PDE4D: variants seen among roughly 807,000 people sequenced by gnomAD.
The protein encoded by PDE4D is phosphodiesterase 4D.
In PDE4D, 24 loss-of-function variants were observed where a neutral mutation model predicts 87.4. That is an observed-to-expected ratio of 0.27 (90% CI 0.20 to 0.39). PDE4D has a LOEUF of 0.39. PDE4D is among the 10% of genes least tolerant of loss of function. The probability of loss-of-function intolerance (pLI) is 1.00; values close to 1 mark genes in which losing one functional copy is unlikely to be tolerated. For synonymous variants in PDE4D, 384 were observed against 383.2 expected (o/e 1.00, Z -0.02); for missense variants, 714 against 1,041.0 (o/e 0.69, Z 4.32).
intron 2 of PDE4D, among the ~76,000 whole-genome samples, chr5:60,184,122 G>A (rs1487963995): frequency 1.3e-5 from 2 of 152,130 alleles, no homozygotes; most frequent in East Asian, 3.9e-4. Flanking sequence ...GCATCATTAA[G>A]TAGTCTCAGT....
At chr5:59,898,774 A>G (rs1751933836) in intron 3 of PDE4D, among the ~76,000 whole-genome samples, 1 of 152,228 alleles carries the variant, frequency 6.6e-6, no homozygotes, top group East Asian at 1.9e-4. Context: ...CTTCTTATTC[A>G]GTGTCCCCTA....
intron 5 of PDE4D, among the ~76,000 whole-genome samples, chr5:59,146,904 A>C (rs926487012): frequency 2.0e-5 from 3 of 152,122 alleles, no homozygotes; most frequent in African/African-American, 7.2e-5. Flanking sequence ...CAAGCCACAG[A>C]CTGCTTCCGG....
At chr5:59,343,941 C>T (rs961599132) in intron 1 of PDE4D, among the ~76,000 whole-genome samples, 21 of 151,938 alleles carry the variant, frequency 1.4e-4, no homozygotes, top group African/African-American at 5.1e-4. Flanking sequence ...ATTATGATTA[C>T]CATTTGAATG....
chr5:58,986,609 C>T (rs1022134695), intron 11 of PDE4D, among the ~76,000 whole-genome samples: 10 of 152,278 alleles, frequency 6.6e-5, no homozygotes, highest in African/African-American at 1.9e-4. Flanking sequence ...CTAGGTTGTG[C>T]GTTCCTTATG....
At chr5:60,315,233 C>A (rs569261883) in intron 1 of PDE4D, among the ~76,000 whole-genome samples, 1 of 152,264 alleles carries the variant, frequency 6.6e-6, no homozygotes, top group African/African-American at 2.4e-5. Flanking sequence ...TCTCTGATGG[C>A]TAGTGATGAT....
At chr5:59,065,882 G>A (rs1763853420) in intron 5 of PDE4D, among the ~76,000 whole-genome samples, 3 of 151,998 alleles carry the variant, frequency 2.0e-5, no homozygotes, top group Non-Finnish European at 4.4e-5. Context: ...TTTGTTCCTT[G>A]GTAACTAGAC....
At chr5:58,995,270 G>A (rs911251577) in intron 6 of PDE4D, among the ~76,000 whole-genome samples, 12 of 152,210 alleles carry the variant, frequency 7.9e-5, no homozygotes, top group Middle Eastern at 3.4e-3. Flanking sequence ...ACTGCTGGAA[G>A]ATAACCACAG....
chr5:60,166,816 G>A (rs1782949903), intron 2 of PDE4D, among the ~76,000 whole-genome samples: 1 of 151,510 alleles, frequency 6.6e-6, no homozygotes, highest in South Asian at 2.1e-4. Flanking sequence ...GCTTTTCTGT[G>A]TATAGCATTC....
At chr5:59,569,561 C>T (rs575740163) in intron 1 of PDE4D, among the ~76,000 whole-genome samples, 1 of 152,288 alleles carries the variant, frequency 6.6e-6, no homozygotes, top group Admixed American at 6.5e-5. Context: ...TACTTCGCCA[C>T]CTGGACCAAT....
chr5:59,985,865 G>A (rs1385948649), intron 3 of PDE4D, among the ~76,000 whole-genome samples: 1 of 152,064 alleles, frequency 6.6e-6, no homozygotes, highest in South Asian at 2.1e-4. Flanking sequence ...CACATCCCAG[G>A]AATACTATAT....
chr5:59,339,760 G>T (rs1317716306), intron 1 of PDE4D, among the ~76,000 whole-genome samples: 1 of 152,116 alleles, frequency 6.6e-6, no homozygotes, highest in African/African-American at 2.4e-5. Context: ...GTAAATGTTG[G>T]TGTCTTAGCC....
chr5:59,690,536 A>T (rs998294933), intron 1 of PDE4D, among the ~76,000 whole-genome samples: 2 of 152,222 alleles, frequency 1.3e-5, no homozygotes, highest in Non-Finnish European at 2.9e-5. Flanking sequence ...CTGAAACTGG[A>T]TCTCTTCCGT....
chr5:59,394,916 C>A (rs543471112), intron 1 of PDE4D, among the ~76,000 whole-genome samples: 4 of 152,068 alleles, frequency 2.6e-5, no homozygotes, highest in Admixed American at 2.6e-4. Flanking sequence ...TTGCCTCACT[C>A]GGGAAGTGCA....
chr5:60,455,255 G>T (rs977566961), intron 1 of PDE4D, among the ~76,000 whole-genome samples: 7 of 152,112 alleles, frequency 4.6e-5, no homozygotes, highest in Non-Finnish European at 1.0e-4. Flanking sequence ...AGGGAACAAA[G>T]TTATTTTCTA....
At chr5:59,998,117 C>A (rs1479153291) in intron 2 of PDE4D, among the ~76,000 whole-genome samples, 1 of 152,160 alleles carries the variant, frequency 6.6e-6, no homozygotes, top group Admixed American at 6.5e-5. Context: ...TAAGACCTCT[C>A]AGTTCTAACT....
intron 1 of PDE4D, among the ~76,000 whole-genome samples, chr5:59,804,545 C>T (rs1767526481): frequency 6.6e-6 from 1 of 152,188 alleles, no homozygotes; most frequent in Admixed American, 6.5e-5. Context: ...GGGTTAAACC[C>T]TAACTTTTAA....
intron 1 of PDE4D, among the ~76,000 whole-genome samples, chr5:59,802,275 C>T (rs567769658): frequency 5.4e-4 from 82 of 151,642 alleles, no homozygotes; most frequent in Middle Eastern, 3.4e-3. Flanking sequence ...GATGCCAACA[C>T]GCAGCCATAT....
intron 1 of PDE4D, among the ~76,000 whole-genome samples, chr5:59,374,718 A>T (rs1001369915): frequency 2.0e-5 from 3 of 152,234 alleles, no homozygotes; most frequent in Admixed American, 6.5e-5. Flanking sequence ...ACAACAGAAT[A>T]TACATTCTTC....
At chr5:59,026,468 C>T (rs1238121535) in intron 6 of PDE4D, among the ~76,000 whole-genome samples, 1 of 152,186 alleles carries the variant, frequency 6.6e-6, no homozygotes, top group East Asian at 1.9e-4. Flanking sequence ...TGACTAACTA[C>T]AAAATGTTAT....
Sources: gnomAD v4.1 joint callset for allele counts (sites outside exome capture counted in the v4.1 genomes callset) on GRCh38, gnomAD v4.1.1 for gene constraint, MANE v1.5 for transcripts, NCBI Gene and HGNC (gene_info 2026-07-23, HGNC 2026-07-21) for gene names.